COG7: variants seen among roughly 807,000 people sequenced by gnomAD.
COG7 encodes conserved oligomeric Golgi complex subunit 7.
Under a neutral mutation model 91.5 loss-of-function variants are expected in COG7, and 49 were observed. The ratio of observed to expected loss-of-function variants is 0.54; its 90% confidence interval spans 0.43 to 0.68. The LOEUF is 0.68. Ranked by LOEUF, COG7 falls within the 30% of genes least tolerant of loss-of-function variation. The pLI is 0.00. For missense variants in COG7, 895 were observed against 961.3 expected, an observed-to-expected ratio of 0.93 and a Z score of 0.91; for synonymous variants, 365 against 388.7, an observed-to-expected ratio of 0.94 and a Z score of 0.72.
chr16:23,436,054 C>G (rs775839402), intron 4 of COG7, among the ~76,000 whole-genome samples: 3 of 151,976 alleles, frequency 2.0e-5, no homozygotes, highest in Non-Finnish European at 4.4e-5. Context: ...CTAGGCAACA[C>G]AGGACCCCTC....
intron 4 of COG7, among the ~76,000 whole-genome samples, chr16:23,435,488 A>G (rs548092348): frequency 6.6e-6 from 1 of 152,338 alleles, no homozygotes; most frequent in African/African-American, 2.4e-5. Context: ...AGTTTCTGAC[A>G]TATTTCCCTA....
intron 4 of COG7, among the ~76,000 whole-genome samples, chr16:23,441,284 G>T (rs557661303): frequency 1.3e-5 from 2 of 152,188 alleles, no homozygotes; most frequent in African/African-American, 4.8e-5. Context: ...TGTAAATAAA[G>T]TTTTACTTGG....
chr16:23,412,612 C>G (rs894549101), intron 10 of COG7: 4 of 152,240 alleles, frequency 2.6e-5, no homozygotes, highest in African/African-American at 4.8e-5. Flanking sequence ...TACCTAGTGG[C>G]CCACAGGCCA....
At chr16:23,416,134 A>AT (rs1212473410) in intron 9 of COG7, 1 of 151,998 alleles carries the variant, frequency 6.6e-6, no homozygotes, top group African/African-American at 2.4e-5. Context: ...GGATTCAGCA[A>AT]TTTTTATGTC....
At chr16:23,433,817 A>T in intron 5 of COG7, 150 bp from the exon 6 acceptor site, 1 of 716,354 alleles carries the variant, frequency 1.4e-6, no homozygotes, top group Non-Finnish European at 2.3e-6. Flanking sequence ...AAAGAAAGGC[A>T]GGAAAAAAAA....
At chr16:23,444,971 G>C (rs1567348288) in intron 3 of COG7, 77 bp downstream of exon 3, 2 of 1,063,570 alleles carry the variant, frequency 1.9e-6, no homozygotes, top group Non-Finnish European at 3.0e-6. Context: ...TATCAACTTT[G>C]TATCTCTTTT....
chr16:23,421,089 T>C (rs867333674), intron 7 of COG7, among the ~76,000 whole-genome samples: 3 of 152,020 alleles, frequency 2.0e-5, no homozygotes, highest in Middle Eastern at 3.4e-3. Context: ...GAATGATTTC[T>C]TTTTCCTTCC....
intron 4 of COG7, among the ~76,000 whole-genome samples, chr16:23,442,197 G>A (rs1964112055): frequency 6.6e-6 from 1 of 152,046 alleles, no homozygotes; most frequent in South Asian, 2.1e-4. Flanking sequence ...ACCTGGGTGT[G>A]GTGGCACACG....
chr16:23,447,900 AAAATAAAT>A (rs1158993789), intron 1 of COG7, among the ~76,000 whole-genome samples: 1 of 152,020 alleles, frequency 6.6e-6, no homozygotes, highest in Non-Finnish European at 1.5e-5. Context: ...CTCCATCTCA[AAAATAAAT>A]AAATAAATAA....
At chr16:23,417,178 TA>T in intron 8 of COG7, 57 bp from the exon 9 acceptor site, 2 of 1,577,050 alleles carry the variant, frequency 1.3e-6, no homozygotes, top group South Asian at 1.1e-5. Context: ...AATGCTGAGA[TA>T]GGGGAAGACC....
intron 13 of COG7, among the ~76,000 whole-genome samples, chr16:23,398,626 C>A (rs1963323354): frequency 6.6e-6 from 1 of 152,240 alleles, no homozygotes; most frequent in East Asian, 1.9e-4. Context: ...ACCTAGGAAG[C>A]CCCTCTGGCT....
At chr16:23,435,812 G>A (rs539732434) in intron 4 of COG7, among the ~76,000 whole-genome samples, 2 of 152,388 alleles carry the variant, frequency 1.3e-5, no homozygotes, top group African/African-American at 4.8e-5. Context: ...CCAGCTAAGC[G>A]CTGGAGACCT....
intron 12 of COG7, among the ~76,000 whole-genome samples, chr16:23,405,251 T>C (rs1211185817): frequency 1.3e-5 from 2 of 152,180 alleles, no homozygotes; most frequent in African/African-American, 4.8e-5. Flanking sequence ...TGTACTTGGG[T>C]AGACTCCTGG....
intron 4 of COG7, among the ~76,000 whole-genome samples, chr16:23,439,444 A>C (rs867540473): frequency 4.6e-5 from 7 of 152,250 alleles, no homozygotes; most frequent in Non-Finnish European, 8.8e-5. Flanking sequence ...CACAATAGCC[A>C]AAAGGTAGAA....
In COG7 at chr16:23,388,761, A is replaced by T; in HGVS notation, c.*159T>A. 7.4e-7 allele frequency: 1 copy of T among 1,357,538 alleles called. No individual in the cohort carries two copies. The allele number at this position is 1,357,538 out of a possible 1,614,324, so 84.1% of individuals were successfully genotyped here. Reference sequence around the variant, plus strand: ...ATGATCCATCTGGCTTGGCCTCCCAAAGTGCTGGGATTACAGGCGTGAGCC... The same window carrying T: ...ATGATCCATCTGGCTTGGCCTCCCATAGTGCTGGGATTACAGGCGTGAGCC... On this transcript the variant is annotated 3_prime_UTR_variant, in exon 17 of 17. Coordinates refer to ENST00000307149, the MANE Select transcript of COG7 (RefSeq NM_153603.4).
chr16:23,439,979 T>C (rs755607424), intron 4 of COG7, among the ~76,000 whole-genome samples: 21 of 151,696 alleles, frequency 1.4e-4, no homozygotes, highest in Non-Finnish European at 2.8e-4. Flanking sequence ...AAATTACATG[T>C]CCTTTCTTTA....
At chr16:23,401,519 C>T (rs939463813) in intron 13 of COG7, among the ~76,000 whole-genome samples, 2 of 152,128 alleles carry the variant, frequency 1.3e-5, no homozygotes, top group African/African-American at 4.8e-5. Flanking sequence ...AGGTCAGTAC[C>T]GTCAGCTTTG....
chr16:23,390,203 T>G (rs1467719315), intron 16 of COG7: 1 of 151,096 alleles, frequency 6.6e-6, no homozygotes, highest in Admixed American at 6.6e-5. Flanking sequence ...TTTTTTTTTT[T>G]TTTTTTTTTC....
intron 12 of COG7, among the ~76,000 whole-genome samples, chr16:23,405,810 C>G (rs957461938): frequency 6.6e-6 from 1 of 152,310 alleles, no homozygotes. Context: ...AGCCACCACA[C>G]CTGGCCTAAA....
Sources: gnomAD v4.1 joint callset for allele counts (sites outside exome capture counted in the v4.1 genomes callset) on GRCh38, gnomAD v4.1.1 for gene constraint, MANE v1.5 for transcripts, NCBI Gene and HGNC (gene_info 2026-07-23, HGNC 2026-07-21) for gene names.